Variants in SPOP observed in about 807,000 individuals in gnomAD.
SPOP encodes the protein speckle-type POZ protein.
Under a neutral mutation model 45.6 loss-of-function variants are expected in SPOP, and 11 were observed. That is an observed-to-expected ratio of 0.24 (90% CI 0.15 to 0.40). SPOP has a LOEUF of 0.40. SPOP is among the 10% of genes least tolerant of loss of function. The pLI is 1.00. For missense variants in SPOP, 152 were observed against 465.6 expected (o/e 0.33, Z 6.20); for synonymous variants, 166 against 166.3 (o/e 1.00, Z 0.01).
intron 6 of SPOP, among the ~76,000 whole-genome samples, chr17:49,610,275 G>A (rs572198280): frequency 4.0e-5 from 6 of 151,672 alleles, no homozygotes; most frequent in African/African-American, 1.5e-4. Flanking sequence ...CTGGAGTGCA[G>A]TGGCATGATC....
chr17:49,632,040 A>G (rs2072460588), intron 1 of SPOP, among the ~76,000 whole-genome samples: 1 of 152,188 alleles, frequency 6.6e-6, no homozygotes, highest in African/African-American at 2.4e-5. Flanking sequence ...CTGTGCCTAG[A>G]ATGGCATAAC....
intron 1 of SPOP, among the ~76,000 whole-genome samples, chr17:49,640,804 TTTG>T (rs1461861709): frequency 6.6e-6 from 1 of 152,142 alleles, no homozygotes; most frequent in African/African-American, 2.4e-5. Context: ...ACTGCCGTTC[TTTG>T]TTGTGATTCC....
At chr17:49,645,817 C>A (rs1190133402) in intron 1 of SPOP, among the ~76,000 whole-genome samples, 4 of 152,036 alleles carry the variant, frequency 2.6e-5, no homozygotes, top group African/African-American at 9.7e-5. Flanking sequence ...TTTTCCCCTT[C>A]TTTCAAACAT....
rs1850405541 is a variant in SPOP at position 49,600,586 on chromosome 17, C to CAT, written c.981-65_981-64insAT. The CAT allele has an allele frequency of 1.9e-6, 3 of 1,578,034 alleles. No homozygotes were observed. Among genetic ancestry groups the CAT allele is most frequent in the African/African-American group, 1.3e-5 (1 of 74,152 alleles). ...GAGCAAGGGATGAATTCAACAGCCACCTAGATAGCCTAATTTTCCACTGTT... is the reference window on the plus strand; with the variant it reads ...GAGCAAGGGATGAATTCAACAGCCACATCTAGATAGCCTAATTTTCCACTGTT... On this transcript the variant is annotated intron_variant, in intron 9 of 9. Transcript: ENST00000504102. The surrounding 1 kb of genome is among the most constrained non-coding windows in gnomAD (Gnocchi z 4.2).
intron 5 of SPOP, 100 bp downstream of exon 5, chr17:49,618,881 G>A (rs1311120833): frequency 5.7e-6 from 8 of 1,397,058 alleles, no homozygotes; most frequent in Non-Finnish European, 6.8e-6. Context: ...ACTCCACTTG[G>A]GGCTTTTTCT....
At chr17:49,658,903 G>C (rs2072950344) in intron 1 of SPOP, among the ~76,000 whole-genome samples, 1 of 152,162 alleles carries the variant, frequency 6.6e-6, no homozygotes, top group African/African-American at 2.4e-5. Context: ...AGATCTGCTT[G>C]CAACTTTCTC....
intron 1 of SPOP, among the ~76,000 whole-genome samples, chr17:49,670,603 T>C (rs934869478): frequency 2.0e-5 from 3 of 152,226 alleles, no homozygotes; most frequent in Non-Finnish European, 4.4e-5. Flanking sequence ...TAGGAATTAG[T>C]CCACTCCGAA....
At chr17:49,612,241 T>TA (rs1212492569) in intron 5 of SPOP, among the ~76,000 whole-genome samples, 3 of 152,210 alleles carry the variant, frequency 2.0e-5, no homozygotes, top group Non-Finnish European at 4.4e-5. Context: ...AACATGCACA[T>TA]AAAACGCATC....
At position 49,619,601 on chromosome 17, in the gene SPOP, T is replaced by C. The variant is rs1456682782; in HGVS notation, c.201-216A>G. Among the ~76,000 whole-genome samples, 4 of 152,106 alleles carry C rather than the reference T, an allele frequency of 2.6e-5. No homozygotes were observed. The highest frequency in any genetic ancestry group is 4.4e-5 in the Non-Finnish European group (3 of 68,002). ...AGGCTGGAGTGCAGTGGTATGATCA[T>C]GGCTTACTGCAACCTCGATCTCCCT... On this transcript the variant is annotated intron_variant, in intron 3 of 9. Coordinates refer to ENST00000504102, the MANE Select transcript of SPOP (RefSeq NM_001007228.2). This position sits in a 1 kb window ranked among gnomAD's most constrained non-coding sequence, Gnocchi z 4.9.
At chr17:49,602,144 C>T in intron 8 of SPOP, 137 bp from the exon 9 acceptor site, 1 of 919,942 alleles carries the variant, frequency 1.1e-6, no homozygotes, top group Non-Finnish European at 1.6e-6. Context: ...AAAGCTACTA[C>T]TGCAATGATA....
intron 1 of SPOP, among the ~76,000 whole-genome samples, chr17:49,670,420 C>T (rs2073122037): frequency 6.6e-6 from 1 of 152,084 alleles, no homozygotes; most frequent in African/African-American, 2.4e-5. Flanking sequence ...TGTTATGAAA[C>T]CAGGTTGAGA....
At chr17:49,639,162 A>G (rs1228508951) in intron 1 of SPOP, among the ~76,000 whole-genome samples, 2 of 152,198 alleles carry the variant, frequency 1.3e-5, no homozygotes, top group Non-Finnish European at 2.9e-5. Flanking sequence ...AACTCTAACA[A>G]ATGAAAATAA....
At chr17:49,640,050 G>T (rs2072617188) in intron 1 of SPOP, among the ~76,000 whole-genome samples, 1 of 152,090 alleles carries the variant, frequency 6.6e-6, no homozygotes, top group Non-Finnish European at 1.5e-5. Context: ...AGGAGTTCAA[G>T]ACCAGCCTGG....
At chr17:49,604,401 G>GC in intron 8 of SPOP, among the ~76,000 whole-genome samples, 1 of 152,044 alleles carries the variant, frequency 6.6e-6, no homozygotes, top group East Asian at 1.9e-4. Context: ...GCATTTACCT[G>GC]CCCCATCCTC....
At chr17:49,626,505 G>C (rs1403102821) in intron 1 of SPOP, among the ~76,000 whole-genome samples, 1 of 151,964 alleles carries the variant, frequency 6.6e-6, no homozygotes, top group Non-Finnish European at 1.5e-5. Context: ...GATCAGCCTG[G>C]CCAACATGGC....
intron 5 of SPOP, among the ~76,000 whole-genome samples, chr17:49,615,322 T>C (rs2072061691): frequency 6.6e-6 from 1 of 152,172 alleles, no homozygotes; most frequent in African/African-American, 2.4e-5. Flanking sequence ...AAGGCATATA[T>C]GGTAAAGTTG....
intron 1 of SPOP, among the ~76,000 whole-genome samples, chr17:49,638,874 G>A (rs1007748222): frequency 3.3e-5 from 5 of 152,274 alleles, no homozygotes; most frequent in Admixed American, 1.3e-4. Flanking sequence ...TTAGCCAGGC[G>A]TGGTGACGGG....
At chr17:49,604,863 T>C (rs1266481505) in intron 8 of SPOP, among the ~76,000 whole-genome samples, 7 of 152,188 alleles carry the variant, frequency 4.6e-5, no homozygotes, top group Non-Finnish European at 1.0e-4. Flanking sequence ...GGACCACTAA[T>C]CTTGCAGGTG....
chr17:49,614,275 T>C (rs1308420988), intron 5 of SPOP, among the ~76,000 whole-genome samples: 1 of 152,178 alleles, frequency 6.6e-6, no homozygotes. Context: ...AAAGAATGAA[T>C]AAATTATACA....
Sources: allele counts gnomAD v4.1 joint callset (sites outside exome capture counted in the v4.1 genomes callset), GRCh38; gene constraint gnomAD v4.1.1; non-coding constraint Gnocchi (gnomAD v3.1); transcripts MANE v1.5; gene names NCBI Gene and HGNC (gene_info 2026-07-23, HGNC 2026-07-21).